The following RAD18 variants were observed in gnomAD, a reference collection of about 807,000 sequenced individuals.
RAD18 encodes the protein E3 ubiquitin-protein ligase RAD18.
Under a neutral mutation model 60.4 loss-of-function variants are expected in RAD18, and 47 were observed. The ratio of observed to expected loss-of-function variants is 0.78; its 90% CI spans 0.62 to 0.99. RAD18 has a LOEUF of 0.99. RAD18 is among the 50% of genes least tolerant of loss of function. The pLI is 0.00. For synonymous variants in RAD18, 225 were observed against 195.5 expected (o/e 1.15, Z -1.26); for missense variants, 640 against 593.3 (o/e 1.08, Z -0.82).
chr3:8,882,964 C>T (rs924381122), intron 12 of RAD18, among the ~76,000 whole-genome samples: 1 of 152,136 alleles, frequency 6.6e-6, no homozygotes, highest in African/African-American at 2.4e-5. Context: ...CACAATGAAG[C>T]AAGGGAAAAA....
chr3:8,902,485 C>G lies in RAD18; in HGVS notation c.1063G>C (p.Asp355His), dbSNP rs144777024. ...TTCTTGTATCCTTTTCTAGCCTGAT[C>G]CACCAGAAGCTGAAATTCACTCTTA... is the stretch of plus-strand genomic sequence containing the variant. ...KHKSEFQLLV[D>H]QARKGYKKIA... The change falls in exon 10 of 13, where the codon GAT becomes CAT. Residue 355 changes from aspartate (D) to histidine (H), a missense_variant. Asp to His is a moderately conservative substitution (Grantham distance 81, BLOSUM62 -1). Transcript: ENST00000264926. The G allele has an allele frequency of 6.2e-7, 1 of 1,607,828 alleles. No homozygotes were observed. Among genetic ancestry groups the G allele is most frequent in the Non-Finnish European group, 8.5e-7 (1 of 1,177,450 alleles).
chr3:8,920,679 G>A (rs1266426387), intron 7 of RAD18, among the ~76,000 whole-genome samples: 1 of 152,040 alleles, frequency 6.6e-6, no homozygotes, highest in Non-Finnish European at 1.5e-5. Context: ...TAGTATTCTG[G>A]CCAGGAAGGC....
chr3:8,885,827 T>G (rs1003182508), intron 12 of RAD18, among the ~76,000 whole-genome samples: 2 of 152,244 alleles, frequency 1.3e-5, no homozygotes, highest in Non-Finnish European at 2.9e-5. Context: ...ACTTAACATT[T>G]AAATATATTA....
At chr3:8,886,046 T>C (rs188158756) in intron 12 of RAD18, among the ~76,000 whole-genome samples, 2 of 152,346 alleles carry the variant, frequency 1.3e-5, no homozygotes, top group East Asian at 3.9e-4. Flanking sequence ...GTTGTATAGA[T>C]GTGCTACAAT....
chr3:8,934,079 T>C (rs902717196), intron 7 of RAD18, among the ~76,000 whole-genome samples: 3 of 152,188 alleles, frequency 2.0e-5, no homozygotes, highest in Non-Finnish European at 4.4e-5. Context: ...CATCAATTGG[T>C]TATTCATATG....
intron 9 of RAD18, among the ~76,000 whole-genome samples, chr3:8,906,904 T>C (rs1940016200): frequency 1.3e-5 from 2 of 152,202 alleles, no homozygotes; most frequent in Admixed American, 1.3e-4. Context: ...TATGGGTTAT[T>C]TCGAAATGGA....
chr3:8,915,652 C>T (rs866483332), intron 7 of RAD18, among the ~76,000 whole-genome samples: 19 of 150,618 alleles, frequency 1.3e-4, no homozygotes, highest in African/African-American at 3.7e-4. Flanking sequence ...GGCGCGATCT[C>T]GGCTCACTGC....
intron 4 of RAD18, among the ~76,000 whole-genome samples, chr3:8,946,000 T>A (rs991534715): frequency 6.6e-6 from 1 of 152,202 alleles, no homozygotes. Context: ...AACTTTTTTA[T>A]AAATTTAGTG....
Position 8,902,535 on chromosome 3 carries a change from ATCT to A in RAD18, c.1028-18_1028-16del, listed in dbSNP as rs767782251. 2.5e-6 allele frequency: 4 copies of A among 1,592,966 alleles called. No homozygotes were observed. The African/African-American group carries it at 4.1e-5, about 16-fold the overall frequency. On this transcript the variant is annotated splice_polypyrimidine_tract_variant and intron_variant, in intron 9 of 12. Transcript: ENST00000264926. ...ATGTTTTTTACCTGAAATTCAAAAG[ATCT>A]TCTCAGTAAAGCTAGGACTATGAAA...
intron 7 of RAD18, among the ~76,000 whole-genome samples, chr3:8,919,579 CAT>C (rs925694870): frequency 3.7e-4 from 56 of 152,260 alleles, no homozygotes; most frequent in African/African-American, 1.3e-3. Context: ...TGCATACATG[CAT>C]GTGTATGTAT....
intron 5 of RAD18, 37 bp downstream of exon 5, chr3:8,941,430 G>C: frequency 6.8e-7 from 1 of 1,474,784 alleles, no homozygotes; most frequent in Non-Finnish European, 9.3e-7. Flanking sequence ...TGGATGAAAA[G>C]ATGTCCATAT....
rs1313879885 is a variant in RAD18, at chr3:8,941,479, G to T, written c.592C>A (p.Gln198Lys). Residue 198 changes from glutamine to lysine, a missense_variant, in exon 5 of 13, where the codon CAA (glutamine) becomes AAA (lysine). Coordinates refer to ENST00000264926, the MANE Select transcript of RAD18 (RefSeq NM_020165.4). ...AATAACTTCCTACCTTTAGTAACTT[G>T]TTTCAAAGTGGATGTCGAGGGTGGC... ...PEPPSTSTLK[Q>K]VTKVDCPVCG... The T allele has an allele frequency of 1.2e-6, 2 of 1,602,586 alleles. No individual in the cohort carries two copies. The highest frequency in any genetic ancestry group is 4.5e-5 in the East Asian group (2 of 44,718).
At chr3:8,962,653 G>A (rs1406719619) in intron 1 of RAD18, among the ~76,000 whole-genome samples, 1 of 152,132 alleles carries the variant, frequency 6.6e-6, no homozygotes, top group Non-Finnish European at 1.5e-5. Flanking sequence ...CAAATCCAGG[G>A]CCCACCACTA....
intron 4 of RAD18, among the ~76,000 whole-genome samples, chr3:8,945,575 G>A (rs555224398): frequency 2.3e-4 from 33 of 142,818 alleles, no homozygotes; most frequent in African/African-American, 6.7e-4. Context: ...TGGTTCAAGC[G>A]ATTCTCCTGC....
In RAD18 at chr3:8,947,171, A is replaced by G. The variant is rs202129144; in HGVS notation, c.266+49T>C. 2.9e-6 allele frequency: 4 copies of G among 1,390,202 alleles called. No individual in the cohort carries two copies. In the African/African-American group the frequency reaches 4.3e-5, roughly 15 times the overall value. 86.1% of individuals were successfully genotyped at this position (1,390,202 alleles called of 1,614,324 possible). A position where few individuals can be genotyped will look rare whatever the true frequency, so the allele number is the denominator to read the frequency against. Reference sequence around the variant, plus strand: ...GGTGCACAAAGTAAAGAGAGAACACATATAAAAGGCAAAAGTAGTTAGAGG... The same window carrying G: ...GGTGCACAAAGTAAAGAGAGAACACGTATAAAAGGCAAAAGTAGTTAGAGG... On this transcript the variant is annotated intron_variant, in intron 4 of 12. Coordinates refer to ENST00000264926, the MANE Select transcript of RAD18 (RefSeq NM_020165.4).
chr3:8,923,307 G>A (rs966199824), intron 7 of RAD18, among the ~76,000 whole-genome samples: 6 of 152,116 alleles, frequency 3.9e-5, no homozygotes, highest in Admixed American at 6.6e-5. Context: ...TGGAAGAAAG[G>A]GTATCAGTGA....
chr3:8,913,387 C>G (rs1331594842), intron 8 of RAD18, among the ~76,000 whole-genome samples: 1 of 152,160 alleles, frequency 6.6e-6, no homozygotes, highest in Non-Finnish European at 1.5e-5. Flanking sequence ...AATATCAAAG[C>G]TGCCTGATGC....
intron 12 of RAD18, among the ~76,000 whole-genome samples, chr3:8,884,005 G>A (rs560443577): frequency 3.9e-5 from 6 of 152,274 alleles, no homozygotes; most frequent in African/African-American, 1.4e-4. Context: ...TAAAAATAAA[G>A]TAAAGATAGT....
intron 7 of RAD18, among the ~76,000 whole-genome samples, chr3:8,920,965 T>C (rs1335741303): frequency 6.6e-6 from 1 of 152,234 alleles, no homozygotes. Context: ...CAAAGTTAAA[T>C]CTACTACAAG....
Sources: gnomAD v4.1 joint callset for allele counts (sites outside exome capture counted in the v4.1 genomes callset) on GRCh38, gnomAD v4.1.1 for gene constraint, MANE v1.5 for transcripts, NCBI Gene and HGNC (gene_info 2026-07-23, HGNC 2026-07-21) for gene names.